The following XIRP2 variants were observed in gnomAD, a reference collection of about 807,000 sequenced individuals.
The protein encoded by XIRP2 is xin actin-binding repeat-containing protein 2.
A neutral mutation model predicts 277.0 loss-of-function variants in XIRP2; 236 were observed. The ratio of observed to expected loss-of-function variants is 0.85; its 90% confidence interval spans 0.77 to 0.95. The LOEUF (loss-of-function observed/expected upper bound fraction) is 0.95. XIRP2 is among the 40% of genes least tolerant of loss of function. XIRP2 has a pLI of 0.00. For missense variants in XIRP2, 4,640 were observed against 4,157.5 expected (o/e 1.12, Z -3.19); for synonymous variants, 1,490 against 1,416.5 (o/e 1.05, Z -1.17).
At chr2:167,160,021 A>G (rs1222714326) in intron 3 of XIRP2, among the ~76,000 whole-genome samples, 1 of 152,180 alleles carries the variant, frequency 6.6e-6, no homozygotes, top group African/African-American at 2.4e-5. Context: ...GAGATTATTA[A>G]AATAAGTAAT....
rs1002606718 is a variant in XIRP2, at chr2:166,994,516, G to A, written c.408+90626G>A. ...TTAAAAAAAAAAAAAAAAATTTGAA[G>A]GCTTAATTTAATGTGTAGGTAAGGC... On this transcript the variant is annotated intron_variant, in intron 2 of 10. Transcript: ENST00000409195. 6.8e-5 allele frequency among the ~76,000 whole-genome samples: 10 copies of A among 146,550 alleles called. No homozygotes were observed. In the South Asian group the frequency reaches 8.8e-4, roughly 13 times the overall value.
intron 2 of XIRP2, among the ~76,000 whole-genome samples, chr2:167,010,433 C>G (rs1574159092): frequency 6.6e-6 from 1 of 151,868 alleles, no homozygotes; most frequent in South Asian, 2.1e-4. Flanking sequence ...ATCTATATCT[C>G]TGTTTTGGTA....
intron 2 of XIRP2, among the ~76,000 whole-genome samples, chr2:167,020,165 A>C (rs1408374494): frequency 1.3e-5 from 2 of 152,052 alleles, no homozygotes; most frequent in African/African-American, 4.8e-5. Context: ...CAAAACGAAA[A>C]GAGAAACCAG....
chr2:167,091,776 G>T (rs1574247216), intron 2 of XIRP2, among the ~76,000 whole-genome samples: 4 of 152,170 alleles, frequency 2.6e-5, no homozygotes, highest in Admixed American at 2.6e-4. Context: ...AAGATGGAAG[G>T]CTGCTATAGG....
intron 2 of XIRP2, among the ~76,000 whole-genome samples, chr2:167,016,510 T>G (rs1156927973): frequency 6.6e-6 from 1 of 151,956 alleles, no homozygotes; most frequent in Non-Finnish European, 1.5e-5. Context: ...GCTGCATCTC[T>G]TTACAATTCA....
intron 1 of XIRP2, 49 bp downstream of exon 1, chr2:166,888,606 A>T (rs770858220): frequency 6.6e-5 from 10 of 152,184 alleles, no homozygotes; most frequent in Non-Finnish European, 1.3e-4. Flanking sequence ...TTTTCTACAC[A>T]TACATGCTTC....
Position 167,248,367 on chromosome 2 carries a change from T to G in XIRP2, c.6975T>G (p.Phe2325Leu). The G allele has an allele frequency of 1.2e-6, 2 of 1,613,772 alleles. No homozygotes were observed. Among genetic ancestry groups the G allele is most frequent in the Non-Finnish European group, 1.7e-6 (2 of 1,179,820 alleles). The part of the protein sequence containing the change: ...PLMMFPEKNG[F>L]LPSLSTEKIK... ...TGATGTTTCCTGAAAAAAATGGGTT[T>G]CTTCCCTCACTGTCCACAGAGAAGA... is the stretch of plus-strand genomic sequence containing the variant. The change falls in exon 9 of 11, where the codon TTT becomes TTG. Residue 2325 changes from phenylalanine (F) to leucine (L), a missense_variant. Phe to Leu is a conservative substitution (Grantham distance 22, BLOSUM62 0). Transcript: ENST00000409195.
intron 2 of XIRP2, among the ~76,000 whole-genome samples, chr2:167,092,188 A>G (rs533398833): frequency 5.3e-5 from 8 of 152,292 alleles, no homozygotes; most frequent in Admixed American, 4.6e-4. Context: ...CATCTTTGTC[A>G]TAGCCCATTC....
intron 3 of XIRP2, among the ~76,000 whole-genome samples, chr2:167,159,454 A>G (rs1692300477): frequency 6.6e-6 from 1 of 152,104 alleles, no homozygotes; most frequent in African/African-American, 2.4e-5. Context: ...TACATTTTTT[A>G]TTCTTATATC....
intron 2 of XIRP2, among the ~76,000 whole-genome samples, chr2:167,092,313 C>A (rs899534038): frequency 3.9e-5 from 6 of 152,064 alleles, no homozygotes; most frequent in Non-Finnish European, 4.4e-5. Flanking sequence ...TTAACAATTG[C>A]AAAGGCTTCT....
chr2:167,247,890 T>A lies in XIRP2; in HGVS notation c.6498T>A (p.His2166Gln). ...TQSSKPSPTQHPVSMPVGGTY... is the reference protein window; with the variant it reads ...TQSSKPSPTQQPVSMPVGGTY... ...GCTCCAAGCCCAGTCCCACCCAGCATCCAGTCAGCATGCCAGTTGGAGGAA... is the reference window on the plus strand; with the variant it reads ...GCTCCAAGCCCAGTCCCACCCAGCAACCAGTCAGCATGCCAGTTGGAGGAA... The change falls in exon 9 of 11, where the codon CAT becomes CAA. Residue 2166 changes from histidine to glutamine, a missense_variant. Transcript: ENST00000409195. 6.2e-7 allele frequency: 1 copy of A among 1,613,498 alleles called. No homozygotes were observed. The highest frequency in any genetic ancestry group is 8.5e-7 in the Non-Finnish European group (1 of 1,179,752).
At chr2:166,900,211 A>G (rs1398788006) in intron 1 of XIRP2, among the ~76,000 whole-genome samples, 1 of 151,912 alleles carries the variant, frequency 6.6e-6, no homozygotes, top group Non-Finnish European at 1.5e-5. Flanking sequence ...GATACTTTCT[A>G]TCATCGTATC....
intron 2 of XIRP2, among the ~76,000 whole-genome samples, chr2:166,929,333 A>G (rs1368576909): frequency 3.3e-5 from 5 of 152,108 alleles, no homozygotes; most frequent in Non-Finnish European, 7.4e-5. Context: ...ATGCTTCCCT[A>G]TGTACCTACT....
At chr2:166,890,065 G>A (rs1201712266) in intron 1 of XIRP2, among the ~76,000 whole-genome samples, 4 of 150,664 alleles carry the variant, frequency 2.7e-5, no homozygotes, top group East Asian at 4.0e-4. Flanking sequence ...GTGTGATCTC[G>A]GCTCACTGCA....
intron 3 of XIRP2, among the ~76,000 whole-genome samples, chr2:167,180,894 T>G (rs1223484792): frequency 6.6e-6 from 1 of 152,204 alleles, no homozygotes; most frequent in African/African-American, 2.4e-5. Flanking sequence ...TGATTTTTCT[T>G]TTCCTTCTGA....
At chr2:167,240,603 G>A (rs1695034873) in intron 6 of XIRP2, 61 bp from the exon 7 acceptor site, 2 of 1,363,498 alleles carry the variant, frequency 1.5e-6, no homozygotes. Context: ...AGTATTATTT[G>A]TAGTACTAAA....
At chr2:167,172,199 C>T (rs543103223) in intron 3 of XIRP2, among the ~76,000 whole-genome samples, 55 of 152,182 alleles carry the variant, frequency 3.6e-4, no homozygotes, top group African/African-American at 1.1e-3. Context: ...CTCCCCAAGC[C>T]GCAAAACCAA....
Position 167,256,511 on chromosome 2 carries a change from A to G in XIRP2, c.*40-1346A>G, listed in dbSNP as rs144889097. Among the ~76,000 whole-genome samples the G allele has an allele frequency of 3.1e-3, 475 of 151,784 alleles. 2 individuals carry two copies. Among genetic ancestry groups the G allele is most frequent in the African/African-American group, 0.011 (449 of 41,472 alleles). On this transcript the variant is annotated intron_variant, in intron 10 of 10. Transcript: ENST00000409195. ...TTCATGATGTTCTTTCAGGTCTTTT[A>G]TCATGTTCTTAATGTCTTTTAATTC...
At position 167,221,317 on chromosome 2, in the gene XIRP2, A is replaced by G. The variant is rs143682648; in HGVS notation, c.858+3017A>G. 1.6e-3 allele frequency among the ~76,000 whole-genome samples: 243 copies of G among 152,134 alleles called. 4 individuals carry two copies. In the East Asian group the frequency reaches 0.021, roughly 13 times the overall value. On this transcript the variant is annotated intron_variant, in intron 5 of 10. Coordinates refer to ENST00000409195, the MANE Select transcript of XIRP2 (RefSeq NM_152381.6). ...CCATCTCTACTAAAAATATAAAATT[A>G]GCCAGGTGTGGTGGCGTATGCCTGT...
Sources: allele counts gnomAD v4.1 joint callset (sites outside exome capture counted in the v4.1 genomes callset), GRCh38; gene constraint gnomAD v4.1.1; transcripts MANE v1.5; gene names NCBI Gene and HGNC (gene_info 2026-07-23, HGNC 2026-07-21).